The following FTO variants were observed in gnomAD, a reference collection of about 807,000 sequenced individuals.
FTO encodes FTO alpha-ketoglutarate dependent dioxygenase.
Under a neutral mutation model 63.9 loss-of-function variants are expected in FTO, and 47 were observed. That is an observed-to-expected ratio of 0.74 (90% CI 0.58 to 0.94). The LOEUF is 0.94. Ranked by LOEUF, FTO falls within the 40% of genes least tolerant of loss-of-function variation. The pLI, the probability that FTO is intolerant of heterozygous loss-of-function variation, is 0.00. For synonymous variants in FTO, 207 were observed against 224.4 expected, an observed-to-expected ratio of 0.92 and a Z score of 0.69; for missense variants, 562 against 618.1, an observed-to-expected ratio of 0.91 and a Z score of 0.96.
At chr16:53,831,456 A>AG (rs34853502) in intron 3 of FTO, among the ~76,000 whole-genome samples, 105,314 of 151,734 alleles carry the variant, frequency 0.69, 36,756 homozygotes, top group Non-Finnish European at 0.73. Flanking sequence ...AGAAGACCAA[A>AG]GGGGGGGAAA....
At chr16:53,736,220 G>A (rs953545399) in intron 1 of FTO, among the ~76,000 whole-genome samples, 20 of 152,182 alleles carry the variant, frequency 1.3e-4, no homozygotes, top group Non-Finnish European at 2.8e-4. Flanking sequence ...ACCCTGTATC[G>A]TACCGAGGTA....
At chr16:54,092,535 T>C (rs1025624367) in intron 8 of FTO, among the ~76,000 whole-genome samples, 4 of 152,174 alleles carry the variant, frequency 2.6e-5, no homozygotes, top group Non-Finnish European at 5.9e-5. Context: ...AAAATGAGAA[T>C]TCCTTCTCTT....
chr16:53,750,936 A>T (rs2076774448), intron 1 of FTO, among the ~76,000 whole-genome samples: 1 of 152,180 alleles, frequency 6.6e-6, no homozygotes, highest in African/African-American at 2.4e-5. Flanking sequence ...AAGAAATAGA[A>T]CTGTTCTTCC....
intron 8 of FTO, 82 bp from the exon 9 acceptor site, chr16:54,111,680 A>C: frequency 7.0e-7 from 1 of 1,425,488 alleles, no homozygotes. Context: ...AGCATTGGCC[A>C]GTGTTGCTCC....
chr16:54,046,046 G>T (rs2085164789), intron 8 of FTO, among the ~76,000 whole-genome samples: 1 of 80,372 alleles, frequency 1.2e-5, no homozygotes. Context: ...TTGAAAACTG[G>T]CACAAGACAG....
intron 8 of FTO, among the ~76,000 whole-genome samples, chr16:54,026,786 T>C (rs2144186721): frequency 6.6e-6 from 1 of 152,258 alleles, no homozygotes; most frequent in East Asian, 1.9e-4. Context: ...GGTCATTAAA[T>C]AAAGTTCCAA....
chr16:53,889,810 TAA>T (rs2081102302), intron 7 of FTO, among the ~76,000 whole-genome samples: 2 of 151,674 alleles, frequency 1.3e-5, no homozygotes, highest in Non-Finnish European at 2.9e-5. Flanking sequence ...GGTCTTGCAT[TAA>T]GTCTTAATTT....
At chr16:53,972,544 T>C (rs910680858) in intron 8 of FTO, among the ~76,000 whole-genome samples, 3 of 152,220 alleles carry the variant, frequency 2.0e-5, no homozygotes, top group African/African-American at 7.2e-5. Context: ...AGTTATTAAC[T>C]AGTTCACCTC....
At chr16:53,800,322 G>T (rs990884498) in intron 1 of FTO, among the ~76,000 whole-genome samples, 5 of 152,072 alleles carry the variant, frequency 3.3e-5, no homozygotes, top group African/African-American at 2.4e-5. Flanking sequence ...ATGTATATCT[G>T]TTATTATTTT....
chr16:53,720,495 T>G lies in FTO; in HGVS notation c.45+16266T>G, dbSNP rs886404064. ...AAATAGACAATATTGTACATATTCA[T>G]GGAGTACATAGTGATGTTTTGATAC... On this transcript the variant is annotated intron_variant, in intron 1 of 8. Coordinates refer to ENST00000471389, the MANE Select transcript of FTO (RefSeq NM_001080432.3). Among the ~76,000 whole-genome samples the G allele has an allele frequency of 2.0e-5, 3 of 151,612 alleles. No individual in the cohort carries two copies. The East Asian group carries it at 5.8e-4, about 29-fold the overall frequency.
At position 53,815,636 on chromosome 16, in the gene FTO, G is replaced by GTTTTTTTTTTTTTTTTTTTTTTTTTT. The variant is rs556357629; in HGVS notation, c.123+5424_123+5449dup. Among the ~76,000 whole-genome samples, 4 of 98,184 alleles carry GTTTTTTTTTTTTTTTTTTTTTTTTTT rather than the reference G, an allele frequency of 4.1e-5. 1 individual carries two copies. The highest frequency in any genetic ancestry group is 2.2e-4 in the African/African-American group (4 of 18,526). The allele number at this position is 98,184 out of a possible 152,430, so 64.4% of individuals were successfully genotyped here. A position where few individuals can be genotyped will look rare whatever the true frequency, so the allele number is the denominator to read the frequency against. ...ACCCTATAAGGCCATTGACTTTCTTGTTTTTTTTTTTTTTTTTTTTTTTTT... is the reference window on the plus strand; with the variant it reads ...ACCCTATAAGGCCATTGACTTTCTTGTTTTTTTTTTTTTTTTTTTTTTTTTTTTTTTTTTTTTTTTTTTTTTTTTTT... On this transcript the variant is annotated intron_variant, in intron 2 of 8. Coordinates refer to ENST00000471389, the MANE Select transcript of FTO (RefSeq NM_001080432.3).
chr16:53,723,035 A>G (rs1262404888), intron 1 of FTO, among the ~76,000 whole-genome samples: 1 of 152,194 alleles, frequency 6.6e-6, no homozygotes, highest in Admixed American at 6.5e-5. Flanking sequence ...ATTTAAGACT[A>G]TGAAGTTACT....
chr16:53,756,470 T>A (rs936254298), intron 1 of FTO, among the ~76,000 whole-genome samples: 2 of 152,230 alleles, frequency 1.3e-5, no homozygotes, highest in African/African-American at 2.4e-5. Context: ...TGTTTATATT[T>A]TGCCTGACTC....
At chr16:53,811,838 G>A (rs1314791838) in intron 2 of FTO, among the ~76,000 whole-genome samples, 3 of 151,726 alleles carry the variant, frequency 2.0e-5, no homozygotes, top group African/African-American at 7.3e-5. Flanking sequence ...TTTGACAGAG[G>A]ATCTCACTCT....
At chr16:53,883,545 C>T (rs1411568545) in intron 6 of FTO, among the ~76,000 whole-genome samples, 1 of 147,218 alleles carries the variant, frequency 6.8e-6, no homozygotes, top group Non-Finnish European at 1.5e-5. Context: ...TCGCTTGAAC[C>T]CGGGAGGCAG....
At position 53,984,321 on chromosome 16, in the gene FTO, C is replaced by CCTTTTTTTTTTTTTT. The variant is rs1555500067; in HGVS notation, c.1364+50212_1364+50213insCTTTTTTTTTTTTTT. On this transcript the variant is annotated intron_variant, in intron 8 of 8. Transcript: ENST00000471389. ...CCTCTATCCCTCCCTTGGAATGGGT[C>CCTTTTTTTTTTTTTT]TTTTTTTTTTTTTTTTTTTTTTTTT... 1.0e-4 allele frequency among the ~76,000 whole-genome samples: 7 copies of CCTTTTTTTTTTTTTT among 67,314 alleles called. 2 individuals carry two copies. Among genetic ancestry groups the CCTTTTTTTTTTTTTT allele is most frequent in the African/African-American group, 1.7e-4 (3 of 17,976 alleles). The allele number at this position is 67,314 out of a possible 152,430, so 44.2% of individuals were successfully genotyped here. A position where few individuals can be genotyped will look rare whatever the true frequency, so the allele number is the denominator to read the frequency against.
At chr16:53,929,396 G>C (rs1291228601) in intron 7 of FTO, among the ~76,000 whole-genome samples, 1 of 152,174 alleles carries the variant, frequency 6.6e-6, no homozygotes, top group Non-Finnish European at 1.5e-5. Context: ...TGCTGTAGTG[G>C]TGTTCTGTTG....
chr16:53,878,336 G>A (rs1427308917), intron 5 of FTO, among the ~76,000 whole-genome samples: 1 of 152,020 alleles, frequency 6.6e-6, no homozygotes, highest in Non-Finnish European at 1.5e-5. Context: ...AGGTTGCTGT[G>A]GGACAAAAAT....
At chr16:54,054,043 A>C (rs1355980026) in intron 8 of FTO, among the ~76,000 whole-genome samples, 1 of 151,574 alleles carries the variant, frequency 6.6e-6, no homozygotes, top group Non-Finnish European at 1.5e-5. Context: ...CACTTTCTGC[A>C]GTTTAGTTAT....
Sources: allele counts gnomAD v4.1 joint callset (sites outside exome capture counted in the v4.1 genomes callset), GRCh38; gene constraint gnomAD v4.1.1; transcripts MANE v1.5; gene names NCBI Gene and HGNC (gene_info 2026-07-23, HGNC 2026-07-21).